The following EXOC4 variants were observed in gnomAD, a reference collection of about 807,000 sequenced individuals.
The protein encoded by EXOC4 is exocyst complex component 4.
A neutral mutation model predicts 107.2 loss-of-function variants in EXOC4; 71 were observed. The observed-to-expected ratio is 0.66, with a 90% CI of 0.55 to 0.81. The LOEUF is 0.81. Ranked by LOEUF, EXOC4 falls within the 30% of genes least tolerant of loss-of-function variation. The pLI is 0.00. For missense variants in EXOC4, 1,108 were observed against 1,189.6 expected (o/e 0.93, Z 1.01); for synonymous variants, 456 against 441.2 (o/e 1.03, Z -0.42).
At chr7:133,460,410 T>A (rs1244639314) in intron 7 of EXOC4, among the ~76,000 whole-genome samples, 1 of 152,202 alleles carries the variant, frequency 6.6e-6, no homozygotes, top group Non-Finnish European at 1.5e-5. Context: ...TTTTCATATT[T>A]ACTGTAAACT....
chr7:133,326,761 A>G (rs1415180742), intron 5 of EXOC4, among the ~76,000 whole-genome samples: 1 of 152,226 alleles, frequency 6.6e-6, no homozygotes, highest in African/African-American at 2.4e-5. Context: ...TTAAGTCTGC[A>G]GAGGTTTCTG....
chr7:133,275,012 C>T lies in EXOC4; in HGVS notation c.117C>T (p.Asp39=). The T allele has an allele frequency of 3.1e-6, 5 of 1,612,414 alleles. No individual in the cohort carries two copies. Among genetic ancestry groups the T allele is most frequent in the Non-Finnish European group, 4.2e-6 (5 of 1,179,102 alleles). The change falls in exon 2 of 18, where the codon GAC becomes GAT. Residue 39 remains aspartate (D), a synonymous_variant. Transcript: ENST00000253861. ...TGTCTACTAGTGACGATGTCGAAGA[C>T]AGGGAAAATGAAAAGGGTCGCCTTG... ...RTLSTSDDVE[D]RENEKGRLEE... is the part of the protein sequence containing the mutation.
At chr7:133,424,024 A>G (rs754194697) in intron 7 of EXOC4, among the ~76,000 whole-genome samples, 34 of 152,282 alleles carry the variant, frequency 2.2e-4, no homozygotes, top group Middle Eastern at 3.4e-3. Context: ...AAATGCACCA[A>G]TCAGCACTCT....
intron 5 of EXOC4, among the ~76,000 whole-genome samples, chr7:133,325,193 G>A (rs577488250): frequency 3.2e-4 from 48 of 152,284 alleles, no homozygotes; most frequent in Middle Eastern, 6.8e-3. Flanking sequence ...TTTCATTGGA[G>A]CATTTAGCCC....
At chr7:133,577,841 T>C (rs138135508) in intron 9 of EXOC4, among the ~76,000 whole-genome samples, 1 of 152,314 alleles carries the variant, frequency 6.6e-6, no homozygotes, top group East Asian at 1.9e-4. Flanking sequence ...ATATGCACTT[T>C]TTCTGACTTT....
At chr7:133,799,359 C>T (rs910414461) in intron 10 of EXOC4, among the ~76,000 whole-genome samples, 1 of 152,150 alleles carries the variant, frequency 6.6e-6, no homozygotes. Flanking sequence ...TGGATTGGTG[C>T]CTCCCTGTCC....
At chr7:133,623,326 A>G (rs1218571988) in intron 9 of EXOC4, among the ~76,000 whole-genome samples, 1 of 152,186 alleles carries the variant, frequency 6.6e-6, no homozygotes. Context: ...TGTAATCAAT[A>G]TACTTTTTCA....
intron 10 of EXOC4, among the ~76,000 whole-genome samples, chr7:133,755,619 G>A (rs1795900433): frequency 6.6e-6 from 1 of 151,804 alleles, no homozygotes; most frequent in Admixed American, 6.6e-5. Flanking sequence ...TGGGATTACA[G>A]GCATGAGCCA....
intron 14 of EXOC4, among the ~76,000 whole-genome samples, chr7:133,951,055 T>C (rs569565980): frequency 1.6e-4 from 24 of 152,332 alleles, no homozygotes; most frequent in Admixed American, 3.3e-4. Flanking sequence ...CATGGGTCAC[T>C]GACAGACAGA....
At chr7:133,777,949 C>T (rs957501301) in intron 10 of EXOC4, among the ~76,000 whole-genome samples, 14 of 152,194 alleles carry the variant, frequency 9.2e-5, no homozygotes, top group African/African-American at 3.4e-4. Context: ...TCTGGAATTA[C>T]ATCATCTCTG....
At chr7:133,401,104 T>C (rs1461911028) in intron 7 of EXOC4, among the ~76,000 whole-genome samples, 1 of 152,040 alleles carries the variant, frequency 6.6e-6, no homozygotes, top group Non-Finnish European at 1.5e-5. Context: ...CTCTGGGGTG[T>C]GCCTAAGAAT....
chr7:133,325,674 C>G (rs1795221906), intron 5 of EXOC4, among the ~76,000 whole-genome samples: 1 of 152,138 alleles, frequency 6.6e-6, no homozygotes, highest in Admixed American at 6.5e-5. Context: ...TTTGGTGAAT[C>G]TGACAATTAT....
chr7:133,668,488 C>T (rs886291805), intron 10 of EXOC4, among the ~76,000 whole-genome samples: 9 of 152,188 alleles, frequency 5.9e-5, no homozygotes, highest in African/African-American at 4.8e-5. Context: ...TTCTCATAGA[C>T]ATCATCTTAT....
At chr7:133,799,404 T>C (rs1796885999) in intron 10 of EXOC4, among the ~76,000 whole-genome samples, 1 of 152,220 alleles carries the variant, frequency 6.6e-6, no homozygotes, top group African/African-American at 2.4e-5. Context: ...TCGAGTGGAA[T>C]GGCAGGCCAA....
chr7:133,776,629 C>T (rs1796350450), intron 10 of EXOC4, among the ~76,000 whole-genome samples: 1 of 152,102 alleles, frequency 6.6e-6, no homozygotes, highest in African/African-American at 2.4e-5. Context: ...AAATTCAATT[C>T]ATGTTTGATT....
chr7:133,392,231 C>CCTGTTGATGAT (rs1310485671), intron 7 of EXOC4, among the ~76,000 whole-genome samples: 1 of 151,976 alleles, frequency 6.6e-6, no homozygotes, highest in Non-Finnish European at 1.5e-5. Context: ...GATTCTGGGC[C>CCTGTTGATGAT]CTGTTGATGA....
chr7:133,473,086 T>G (rs951567824), intron 7 of EXOC4, among the ~76,000 whole-genome samples: 3 of 152,176 alleles, frequency 2.0e-5, no homozygotes, highest in Non-Finnish European at 4.4e-5. Context: ...TCTTTCTGTG[T>G]TATATTAATT....
chr7:134,016,815 G>C (rs908157188), intron 17 of EXOC4, among the ~76,000 whole-genome samples: 6 of 152,132 alleles, frequency 3.9e-5, no homozygotes, highest in Non-Finnish European at 7.3e-5. Context: ...TTCCTATTTG[G>C]AATGACCAAA....
At chr7:133,763,769 T>G (rs534760839) in intron 10 of EXOC4, among the ~76,000 whole-genome samples, 1 of 152,112 alleles carries the variant, frequency 6.6e-6, no homozygotes, top group East Asian at 1.9e-4. Context: ...TGTTTTGTTT[T>G]GTTTTTGTTT....
Sources: gnomAD v4.1 joint callset for allele counts (sites outside exome capture counted in the v4.1 genomes callset) on GRCh38, gnomAD v4.1.1 for gene constraint, MANE v1.5 for transcripts, NCBI Gene and HGNC (gene_info 2026-07-23, HGNC 2026-07-21) for gene names.